Variants in CLDN16 observed in about 807,000 individuals in gnomAD.
CLDN16 encodes claudin 16.
In CLDN16, 13 loss-of-function variants were observed where a neutral mutation model predicts 24.6. The observed-to-expected ratio is 0.53, with a 90% CI of 0.34 to 0.84. The LOEUF is 0.84. Among genes scored for constraint, CLDN16 ranks in the 40% least tolerant of loss-of-function variants. The probability of loss-of-function intolerance (pLI) is 0.01; values close to 1 mark genes in which losing one functional copy is unlikely to be tolerated. For missense variants in CLDN16, 298 were observed against 292.7 expected (o/e 1.02, Z -0.13); for synonymous variants, 116 against 106.7 (o/e 1.09, Z -0.54).
intron 3 of CLDN16, among the ~76,000 whole-genome samples, chr3:190,380,256 T>TCCC (rs57126146): frequency 1.5e-4 from 15 of 100,248 alleles, no homozygotes; most frequent in East Asian, 3.4e-4. Context: ...CTTCCTTCCT[T>TCCC]TCTTCCTTCC....
At chr3:190,348,253 C>CAAAA (rs35983526) in intron 1 of CLDN16, among the ~76,000 whole-genome samples, 4 of 55,996 alleles carry the variant, frequency 7.1e-5, no homozygotes, top group African/African-American at 1.4e-4. Context: ...GACTCCGTCT[C>CAAAA]AAAAAAAAAA....
At chr3:190,391,808 C>T (rs934451329) in intron 1 of CLDN16, among the ~76,000 whole-genome samples, 48 of 152,158 alleles carry the variant, frequency 3.2e-4, no homozygotes, top group African/African-American at 1.1e-3. Flanking sequence ...CACAGAATTA[C>T]GATGTGCACA....
chr3:190,310,189 A>G, the CLDN16 span: 2 of 1,613,812 alleles, frequency 1.2e-6, no homozygotes, highest in African/African-American at 1.3e-5. Flanking sequence ...CTGGGGTCAT[A>G]GGGTCATAGA....
chr3:190,402,204 A>G, intron 1 of CLDN16, 133 bp from the exon 2 acceptor site: 1 of 745,542 alleles, frequency 1.3e-6, no homozygotes, highest in Non-Finnish European at 2.5e-6. Flanking sequence ...TGTTTGTTGT[A>G]AATGAAGTTC....
intron 1 of CLDN16, among the ~76,000 whole-genome samples, chr3:190,357,482 G>A (rs1717799132): frequency 6.6e-6 from 1 of 151,616 alleles, no homozygotes; most frequent in African/African-American, 2.4e-5. Flanking sequence ...CCTCATTCTA[G>A]TTCCTCTTCT....
the CLDN16 span, chr3:190,313,105 A>C: frequency 6.4e-7 from 1 of 1,559,396 alleles, no homozygotes. Flanking sequence ...GAAGAAGACC[A>C]AGTATATGTC....
chr3:190,405,167 T>G (rs1487798450), intron 3 of CLDN16, among the ~76,000 whole-genome samples: 1 of 152,142 alleles, frequency 6.6e-6, no homozygotes, highest in African/African-American at 2.4e-5. Context: ...TGGTGGCTTA[T>G]GCCTATATTC....
At chr3:190,329,741 A>G (rs1167608447) in intron 1 of CLDN16, among the ~76,000 whole-genome samples, 3 of 152,158 alleles carry the variant, frequency 2.0e-5, no homozygotes, top group African/African-American at 7.2e-5. Flanking sequence ...AAGACATTCA[A>G]TGGTTTAAAG....
intron 1 of CLDN16, among the ~76,000 whole-genome samples, chr3:190,365,754 A>G (rs1393927997): frequency 1.3e-5 from 2 of 151,536 alleles, no homozygotes; most frequent in African/African-American, 4.8e-5. Flanking sequence ...CAGATTCGCC[A>G]GTCTATTTTG....
intron 1 of CLDN16, among the ~76,000 whole-genome samples, chr3:190,335,297 G>A (rs1012951284): frequency 3.9e-5 from 6 of 151,964 alleles, no homozygotes; most frequent in Non-Finnish European, 7.4e-5. Flanking sequence ...TCTCGCCTCT[G>A]CCTCCCAAAG....
At chr3:190,298,374 CA>C in the CLDN16 span, among the ~76,000 whole-genome samples, 10 of 151,558 alleles carry the variant, frequency 6.6e-5, no homozygotes, top group Non-Finnish European at 1.0e-4. Context: ...CACACACACA[CA>C]CCTTAACAAT....
intron 3 of CLDN16, among the ~76,000 whole-genome samples, chr3:190,407,446 A>G (rs1486715721): frequency 6.6e-6 from 1 of 152,170 alleles, no homozygotes; most frequent in Non-Finnish European, 1.5e-5. Flanking sequence ...CAACATATAG[A>G]TTACTGATTT....
chr3:190,327,570 C>T (rs1032019807), intron 1 of CLDN16, among the ~76,000 whole-genome samples: 4 of 152,214 alleles, frequency 2.6e-5, no homozygotes, highest in Admixed American at 1.3e-4. Flanking sequence ...CCAAGTTACA[C>T]AGCTAGCAAA....
At chr3:190,360,313 C>A (rs1023195360) in intron 1 of CLDN16, among the ~76,000 whole-genome samples, 2 of 151,896 alleles carry the variant, frequency 1.3e-5, no homozygotes, top group African/African-American at 4.8e-5. Context: ...AGGCCTGAAA[C>A]CTCACATTTA....
intron 1 of CLDN16, among the ~76,000 whole-genome samples, chr3:190,400,084 G>A (rs1354734751): frequency 6.6e-6 from 1 of 152,130 alleles, no homozygotes; most frequent in Non-Finnish European, 1.5e-5. Flanking sequence ...GGTCCCTGGT[G>A]CCAAAAAGGT....
the CLDN16 span, among the ~76,000 whole-genome samples, chr3:190,295,230 A>C: frequency 6.6e-6 from 1 of 152,166 alleles, no homozygotes; most frequent in Admixed American, 6.5e-5. Flanking sequence ...TGATACACAG[A>C]AACAATAACT....
intron 1 of CLDN16, among the ~76,000 whole-genome samples, chr3:190,324,120 T>C (rs16865354): frequency 0.052 from 7,920 of 152,204 alleles, 292 homozygotes; most frequent in East Asian, 0.14. Context: ...ATGTGAATCA[T>C]ATAATCTCAT....
At chr3:190,312,736 A>G in the CLDN16 span, 1 of 926,632 alleles carries the variant, frequency 1.1e-6, no homozygotes, top group Non-Finnish European at 1.7e-6. Context: ...AGAACATGAA[A>G]GTCAACTGGA....
chr3:190,320,771 T>C (rs999851643), upstream of CLDN16, among the ~76,000 whole-genome samples: 3 of 152,166 alleles, frequency 2.0e-5, no homozygotes, highest in Non-Finnish European at 2.9e-5. Context: ...TGGGGGCCAG[T>C]GGGCAGTCAC....
Sources: gnomAD v4.1 joint callset for allele counts (sites outside exome capture counted in the v4.1 genomes callset) on GRCh38, gnomAD v4.1.1 for gene constraint, MANE v1.5 for transcripts, NCBI Gene and HGNC (gene_info 2026-07-23, HGNC 2026-07-21) for gene names.